The following FSHR variants were observed in gnomAD, a reference collection of about 807,000 sequenced individuals.
FSHR encodes follicle stimulating hormone receptor.
In FSHR, 46 loss-of-function variants were observed where a neutral mutation model predicts 52.1. The ratio of observed to expected loss-of-function variants is 0.88; its 90% CI spans 0.70 to 1.13. The LOEUF (loss-of-function observed/expected upper bound fraction) is 1.13. FSHR is among the 50% of genes most tolerant of loss of function. FSHR has a pLI of 0.00. For missense variants in FSHR, 964 were observed against 834.6 expected, an observed-to-expected ratio of 1.16 and a Z score of -1.91; for synonymous variants, 399 against 309.6, an observed-to-expected ratio of 1.29 and a Z score of -3.03.
intron 2 of FSHR, among the ~76,000 whole-genome samples, chr2:49,030,085 T>C (rs956764258): frequency 6.6e-5 from 10 of 152,128 alleles, no homozygotes; most frequent in African/African-American, 2.4e-4. Context: ...CAAGGGCCAT[T>C]TACCACTCGA....
intron 1 of FSHR, among the ~76,000 whole-genome samples, chr2:49,089,609 T>C (rs1670526748): frequency 6.6e-6 from 1 of 152,148 alleles, no homozygotes; most frequent in Admixed American, 6.5e-5. Flanking sequence ...CAGGCTGCAA[T>C]GCAACAATGA....
intron 1 of FSHR, among the ~76,000 whole-genome samples, chr2:49,127,337 A>G (rs1180797182): frequency 6.6e-6 from 1 of 152,110 alleles, no homozygotes; most frequent in Non-Finnish European, 1.5e-5. Context: ...AAGAAAAAAA[A>G]AAAAAGAAAA....
chr2:49,085,059 C>A (rs1306007448), intron 1 of FSHR, among the ~76,000 whole-genome samples: 1 of 152,148 alleles, frequency 6.6e-6, no homozygotes, highest in Non-Finnish European at 1.5e-5. Context: ...GAATTTTAGA[C>A]CAATATCTTT....
At chr2:49,112,994 C>A (rs1126076) in intron 1 of FSHR, among the ~76,000 whole-genome samples, 1 of 151,836 alleles carries the variant, frequency 6.6e-6, no homozygotes, top group East Asian at 1.9e-4. Flanking sequence ...AAAAGAAAAG[C>A]CTCCATGAGT....
intron 1 of FSHR, among the ~76,000 whole-genome samples, chr2:49,095,205 T>A (rs1670776717): frequency 6.6e-6 from 1 of 152,148 alleles, no homozygotes; most frequent in African/African-American, 2.4e-5. Context: ...AGTTGAGGAC[T>A]CATACTTCAT....
intron 2 of FSHR, among the ~76,000 whole-genome samples, chr2:49,066,430 T>C (rs565675841): frequency 6.6e-6 from 1 of 152,084 alleles, no homozygotes; most frequent in South Asian, 2.1e-4. Context: ...GGTAAGACAA[T>C]GGACAAAGGT....
intron 1 of FSHR, among the ~76,000 whole-genome samples, chr2:49,147,509 C>T (rs988523309): frequency 5.3e-5 from 8 of 152,010 alleles, no homozygotes; most frequent in Non-Finnish European, 4.4e-5. Context: ...ATAGCATGCA[C>T]CTTTAGGTAA....
At chr2:49,133,495 G>A (rs542874354) in intron 1 of FSHR, among the ~76,000 whole-genome samples, 27 of 152,224 alleles carry the variant, frequency 1.8e-4, no homozygotes, top group African/African-American at 5.3e-4. Context: ...CATGCTGCCC[G>A]AGGTAATTTA....
chr2:49,063,434 AT>A (rs1669385008), intron 2 of FSHR, among the ~76,000 whole-genome samples: 1 of 65,162 alleles, frequency 1.5e-5, no homozygotes, highest in Non-Finnish European at 4.1e-5. Flanking sequence ...AGAAAATGCT[AT>A]ATATATATAT....
chr2:48,989,271 G>GTGTTTTTTTT (rs1675658678), intron 5 of FSHR, among the ~76,000 whole-genome samples: 1 of 103,434 alleles, frequency 9.7e-6, no homozygotes, highest in African/African-American at 3.6e-5. Flanking sequence ...GACATTCAGT[G>GTGTTTTTTTT]TCTTTTTTTT....
intron 1 of FSHR, among the ~76,000 whole-genome samples, chr2:49,146,955 C>T (rs941805900): frequency 1.3e-5 from 2 of 152,036 alleles, no homozygotes; most frequent in Non-Finnish European, 2.9e-5. Flanking sequence ...TATGTTGACT[C>T]TTGCTGAAAA....
chr2:49,129,584 G>C (rs1204945263), intron 1 of FSHR, among the ~76,000 whole-genome samples: 2 of 152,136 alleles, frequency 1.3e-5, no homozygotes, highest in Non-Finnish European at 2.9e-5. Flanking sequence ...ATAACACAGT[G>C]TTAGGATTCC....
intron 2 of FSHR, among the ~76,000 whole-genome samples, chr2:49,030,802 C>G (rs1220484561): frequency 6.6e-6 from 1 of 152,042 alleles, no homozygotes; most frequent in African/African-American, 2.4e-5. Flanking sequence ...CCCATTCTAC[C>G]CCCAAATTAT....
chr2:49,037,440 A>G (rs1250533488), intron 2 of FSHR, among the ~76,000 whole-genome samples: 1 of 152,194 alleles, frequency 6.6e-6, no homozygotes, highest in Non-Finnish European at 1.5e-5. Context: ...AGAAACCATA[A>G]AAGGAAACAC....
At chr2:48,999,032 G>A (rs1676145957) in intron 4 of FSHR, among the ~76,000 whole-genome samples, 1 of 151,984 alleles carries the variant, frequency 6.6e-6, no homozygotes, top group Non-Finnish European at 1.5e-5. Flanking sequence ...TTGTGTGTTT[G>A]TTCGCTGATG....
intron 2 of FSHR, among the ~76,000 whole-genome samples, chr2:49,058,132 A>G (rs1669133015): frequency 1.3e-5 from 2 of 152,058 alleles, no homozygotes; most frequent in African/African-American, 4.8e-5. Context: ...CACCATCACC[A>G]CTCTTATGTA....
chr2:49,024,417 A>C (rs1667848020), intron 2 of FSHR, among the ~76,000 whole-genome samples: 1 of 152,126 alleles, frequency 6.6e-6, no homozygotes, highest in South Asian at 2.1e-4. Context: ...TCTACTAAAA[A>C]TACAAAATTA....
At chr2:48,964,526 C>T (rs12997223) in intron 9 of FSHR, among the ~76,000 whole-genome samples, 10,769 of 152,184 alleles carry the variant, frequency 0.071, 560 homozygotes, top group South Asian at 0.17. Flanking sequence ...GCTAATTTGC[C>T]GGAAATGTTA....
intron 2 of FSHR, among the ~76,000 whole-genome samples, chr2:49,022,086 G>C (rs1414268854): frequency 3.3e-5 from 5 of 151,316 alleles, no homozygotes; most frequent in African/African-American, 9.7e-5. Context: ...TAGAGAATAA[G>C]GCATGCAGGA....
Sources: allele counts gnomAD v4.1 joint callset (sites outside exome capture counted in the v4.1 genomes callset), GRCh38; gene constraint gnomAD v4.1.1; transcripts MANE v1.5; gene names NCBI Gene and HGNC (gene_info 2026-07-23, HGNC 2026-07-21).